YIPF4: variants seen among roughly 807,000 people sequenced by gnomAD.
The protein encoded by YIPF4 is Yip1 domain family member 4.
In YIPF4, 18 loss-of-function variants were observed where a neutral mutation model predicts 29.4. The ratio of observed to expected loss-of-function variants is 0.61; its 90% CI spans 0.42 to 0.91. YIPF4 has a LOEUF of 0.91. YIPF4 is among the 40% of genes least tolerant of loss of function. YIPF4 has a pLI of 0.00. For missense variants in YIPF4, 279 were observed against 282.7 expected, an observed-to-expected ratio of 0.99 and a Z score of 0.09; for synonymous variants, 115 against 104.7, an observed-to-expected ratio of 1.10 and a Z score of -0.60.
At chr2:32,294,744 G>A (rs1268524770) in intron 3 of YIPF4, among the ~76,000 whole-genome samples, 3 of 152,190 alleles carry the variant, frequency 2.0e-5, no homozygotes, top group Admixed American at 6.5e-5. Flanking sequence ...GTAGCGAGCC[G>A]AGATCACGCC....
At chr2:32,289,016 A>G (rs904817397) in intron 1 of YIPF4, among the ~76,000 whole-genome samples, 3 of 152,154 alleles carry the variant, frequency 2.0e-5, no homozygotes, top group African/African-American at 7.2e-5. Context: ...TAGACTTTTA[A>G]ATTCCACCTC....
intron 1 of YIPF4, among the ~76,000 whole-genome samples, chr2:32,288,160 G>T (rs184133597): frequency 5.3e-5 from 8 of 152,140 alleles, no homozygotes; most frequent in African/African-American, 1.9e-4. Flanking sequence ...TGTCTTGGGG[G>T]TCCTGGGGGA....
At chr2:32,303,618 T>C (rs1259087271) in intron 5 of YIPF4, among the ~76,000 whole-genome samples, 1 of 152,070 alleles carries the variant, frequency 6.6e-6, no homozygotes, top group East Asian at 1.9e-4. Flanking sequence ...CCCAAGAGGT[T>C]GAGGCTGCAG....
At chr2:32,294,011 C>A (rs969944613) in intron 3 of YIPF4, among the ~76,000 whole-genome samples, 2 of 144,644 alleles carry the variant, frequency 1.4e-5, no homozygotes, top group African/African-American at 5.2e-5. Flanking sequence ...CCACCTCCCT[C>A]CCGGACAGGG....
rs1212700576 is a variant in YIPF4, at chr2:32,280,618, G to A, written c.79+2384G>A. Among the ~76,000 whole-genome samples, 6 of 151,938 alleles carry A rather than the reference G, an allele frequency of 3.9e-5. No individual in the cohort carries two copies. The East Asian group carries it at 7.7e-4, about 20-fold the overall frequency. On this transcript the variant is annotated intron_variant, in intron 1 of 5. Coordinates refer to ENST00000238831, the MANE Select transcript of YIPF4 (RefSeq NM_032312.4). ...AGGATGGTCTCGATCTCCTGACCTC[G>A]TGATCTGCCTGCCTCGGCCTCCCAA...
intron 3 of YIPF4, among the ~76,000 whole-genome samples, chr2:32,297,288 C>T (rs941917750): frequency 6.6e-6 from 1 of 152,028 alleles, no homozygotes; most frequent in African/African-American, 2.4e-5. Flanking sequence ...CCATGCCCGG[C>T]TAATTTTGTA....
chr2:32,280,120 A>AATATAT (rs372016530), intron 1 of YIPF4, among the ~76,000 whole-genome samples: 1 of 120,370 alleles, frequency 8.3e-6, no homozygotes, highest in African/African-American at 2.8e-5. Context: ...GTGCCCAGCT[A>AATATAT]ATATATATAT....
At chr2:32,280,815 C>T (rs983195053) in intron 1 of YIPF4, among the ~76,000 whole-genome samples, 6 of 152,136 alleles carry the variant, frequency 3.9e-5, no homozygotes, top group African/African-American at 1.2e-4. Context: ...AGATACAGCA[C>T]CCCAAAATAT....
chr2:32,279,581 A>T (rs948269609), intron 1 of YIPF4, among the ~76,000 whole-genome samples: 47 of 138,946 alleles, frequency 3.4e-4, no homozygotes, highest in Non-Finnish European at 3.3e-4. Flanking sequence ...TTTTTTTTGT[A>T]TTTTTTTTTA....
At chr2:32,286,857 A>G (rs2030696637) in intron 1 of YIPF4, among the ~76,000 whole-genome samples, 1 of 152,216 alleles carries the variant, frequency 6.6e-6, no homozygotes, top group Non-Finnish European at 1.5e-5. Context: ...TTACAGAGTA[A>G]CGTGATCAAG....
At chr2:32,282,246 C>T (rs1410661448) in intron 1 of YIPF4, among the ~76,000 whole-genome samples, 3 of 152,032 alleles carry the variant, frequency 2.0e-5, no homozygotes, top group Middle Eastern at 3.2e-3. Flanking sequence ...CCCAGGGGAA[C>T]GTAGTGACAC....
rs1157688236 is a variant in YIPF4, at chr2:32,290,650, ATAATATATATT to A, written c.233+16_233+26del. 1 of 1,410,386 alleles carries A rather than the reference ATAATATATATT, an allele frequency of 7.1e-7. No homozygotes were observed. Among genetic ancestry groups the A allele is most frequent in the South Asian group, 1.8e-5 (1 of 54,362 alleles). 87.4% of individuals were successfully genotyped at this position (1,410,386 alleles called of 1,614,324 possible). A position where few individuals can be genotyped will look rare whatever the true frequency, so the allele number is the denominator to read the frequency against. On this transcript the variant is annotated intron_variant, in intron 2 of 5. Transcript: ENST00000238831. ...CAAGCCACTCTTGTATGTAAAAATA[ATAATATATATT>A]TTTTGTTTTTTGAGCTAGTCTGTGG...
At position 32,305,890 on chromosome 2, in the gene YIPF4, G is replaced by T; in HGVS notation, c.*264G>T. On this transcript the variant is annotated 3_prime_UTR_variant, in exon 6 of 6. Transcript: ENST00000238831. ...AAATACAAAAGCATTGTGTTTTTAA[G>T]ATTGTGTCGATATTCACCTAAAAAC... 1 of 1,064,878 alleles carries T rather than the reference G, an allele frequency of 9.4e-7. No individual in the cohort carries two copies. 66.0% of individuals were successfully genotyped at this position (1,064,878 alleles called of 1,614,324 possible).
Position 32,315,096 on chromosome 2 carries a change from C to A in YIPF4, c.*9470C>A, listed in dbSNP as rs187639731. 2.6e-5 allele frequency: 4 copies of A among 152,302 alleles called. No homozygotes were observed. The highest frequency in any genetic ancestry group is 5.9e-5 in the Non-Finnish European group (4 of 68,022). The allele number at this position is 152,302 out of a possible 1,614,324, so 9.4% of individuals were successfully genotyped here. On this transcript the variant is annotated 3_prime_UTR_variant, in exon 6 of 6. Transcript: ENST00000238831. ...AAGAACTCAAGGTCCATTTATTGCT[C>A]TATTCTGCCATCTTTGGTGAGTGGC...
chr2:32,286,263 T>TA (rs1469501032), intron 1 of YIPF4, among the ~76,000 whole-genome samples: 1 of 152,220 alleles, frequency 6.6e-6, no homozygotes, highest in East Asian at 1.9e-4. Context: ...ATTTGATAGT[T>TA]ATGTGAGTTT....
At chr2:32,297,928 G>A (rs1390336735) in intron 3 of YIPF4, among the ~76,000 whole-genome samples, 1 of 151,984 alleles carries the variant, frequency 6.6e-6, no homozygotes, top group Non-Finnish European at 1.5e-5. Flanking sequence ...TTTTCTTCTG[G>A]GATGCTGTAA....
At position 32,306,168 on chromosome 2, in the gene YIPF4, T is replaced by C; in HGVS notation, c.*542T>C. On this transcript the variant is annotated 3_prime_UTR_variant, in exon 6 of 6. Coordinates refer to ENST00000238831, the MANE Select transcript of YIPF4 (RefSeq NM_032312.4). The stretch of plus-strand genomic sequence containing the variant: ...TAATTTGGCCATTAATCTTTTTTAT[T>C]TAAAAATTTAAATTTGTTTTTAAAA... The C allele has an allele frequency of 1.2e-6, 1 of 828,146 alleles. No homozygotes were observed. Among genetic ancestry groups the C allele is most frequent in the South Asian group, 5.6e-5 (1 of 17,932 alleles). 51.3% of individuals were successfully genotyped at this position (828,146 alleles called of 1,614,324 possible). A position where few individuals can be genotyped will look rare whatever the true frequency, so the allele number is the denominator to read the frequency against.
At chr2:32,279,933 G>C (rs542120624) in intron 1 of YIPF4, among the ~76,000 whole-genome samples, 51 of 139,968 alleles carry the variant, frequency 3.6e-4, no homozygotes, top group African/African-American at 1.3e-3. Context: ...GGTCTCACTC[G>C]GTTGCCAGGC....
chr2:32,280,137 T>TATATA (rs199832122), intron 1 of YIPF4, among the ~76,000 whole-genome samples: 2 of 142,348 alleles, frequency 1.4e-5, no homozygotes, highest in Non-Finnish European at 3.1e-5. Context: ...ATATATATAT[T>TATATA]TTTTTTTTGA....
Sources: gnomAD v4.1 joint callset for allele counts (sites outside exome capture counted in the v4.1 genomes callset) on GRCh38, gnomAD v4.1.1 for gene constraint, MANE v1.5 for transcripts, NCBI Gene and HGNC (gene_info 2026-07-23, HGNC 2026-07-21) for gene names.